PDE8B: variants seen among roughly 807,000 people sequenced by gnomAD.
PDE8B encodes phosphodiesterase 8B, also known as high affinity cAMP-specific and IBMX-insensitive 3',5'-cyclic phosphodiesterase 8B.
PDE8B carries 26 observed loss-of-function variants against 101.3 expected under a neutral mutation model. That is an observed-to-expected ratio of 0.26 (90% CI 0.19 to 0.36). PDE8B has a LOEUF of 0.36. Among genes scored for constraint, PDE8B ranks in the 10% least tolerant of loss-of-function variants. PDE8B has a pLI of 1.00. For missense variants in PDE8B, 810 were observed against 1,163.1 expected (o/e 0.70, Z 4.42); for synonymous variants, 424 against 429.3 (o/e 0.99, Z 0.15).
chr5:77,270,660 A>T (rs2149771636), intron 1 of PDE8B, among the ~76,000 whole-genome samples: 1 of 152,336 alleles, frequency 6.6e-6, no homozygotes, highest in South Asian at 2.1e-4. Flanking sequence ...GCATGTGTGC[A>T]CAGAAGATAG....
intron 1 of PDE8B, among the ~76,000 whole-genome samples, chr5:77,245,833 A>ACCC (rs1561407118): frequency 4.2e-5 from 1 of 23,836 alleles, no homozygotes; most frequent in East Asian, 2.2e-3. Flanking sequence ...CTCTCCTATA[A>ACCC]CCTCCTCCCC....
chr5:77,270,156 G>A lies in PDE8B; in HGVS notation c.340-41838G>A, dbSNP rs137861298. On this transcript the variant is annotated intron_variant, in intron 1 of 21. Coordinates refer to ENST00000264917, the MANE Select transcript of PDE8B (RefSeq NM_003719.5). ...ATCCTCTTCAATTTCTTTCATCAGT[G>A]TTTTACAGTTTTAATTGTAGAGATC... is the stretch of plus-strand genomic sequence containing the variant. Among the ~76,000 whole-genome samples, 996 of 152,116 alleles carry A rather than the reference G, an allele frequency of 6.5e-3. 2 individuals are homozygous for A. The highest frequency in any genetic ancestry group is 0.01 in the Non-Finnish European group (701 of 67,980).
intron 10 of PDE8B, among the ~76,000 whole-genome samples, chr5:77,399,495 A>C (rs1033513511): frequency 6.6e-6 from 1 of 152,232 alleles, no homozygotes; most frequent in Non-Finnish European, 1.5e-5. Flanking sequence ...AGCACTTGAA[A>C]GTAGGTTGAT....
chr5:77,202,915 T>C, the PDE8B span, among the ~76,000 whole-genome samples: 3 of 152,268 alleles, frequency 2.0e-5, no homozygotes, highest in African/African-American at 7.2e-5. Context: ...TTAAAGTTTT[T>C]GAGGAGTCAA....
intron 10 of PDE8B, among the ~76,000 whole-genome samples, chr5:77,373,306 T>TTA (rs139985803): frequency 0.029 from 4,434 of 152,260 alleles, 202 homozygotes; most frequent in African/African-American, 0.1. Context: ...CCTCAGGTCA[T>TTA]TATTATTATT....
At chr5:77,391,254 CAG>C (rs1248030354) in intron 10 of PDE8B, among the ~76,000 whole-genome samples, 7 of 152,308 alleles carry the variant, frequency 4.6e-5, no homozygotes, top group African/African-American at 1.7e-4. Flanking sequence ...CGTGGATAAT[CAG>C]AGTCAGCTTC....
At position 77,327,872 on chromosome 5, in the gene PDE8B, C is replaced by T. The variant is rs191040360; in HGVS notation, c.591-1126C>T. On this transcript the variant is annotated intron_variant, in intron 3 of 21. Coordinates refer to ENST00000264917, the MANE Select transcript of PDE8B (RefSeq NM_003719.5). ...CAGCCGATCATTTCCGGGAGCCTTC[C>T]CCCCACACAGTGTGAGGGCTCAAGG... 2.0e-4 allele frequency among the ~76,000 whole-genome samples: 31 copies of T among 152,218 alleles called. No homozygotes were observed. In the East Asian group the frequency reaches 2.1e-3, roughly 10 times the overall value.
chr5:77,212,059 A>G (rs964817295), intron 1 of PDE8B, among the ~76,000 whole-genome samples: 6 of 152,228 alleles, frequency 3.9e-5, no homozygotes, highest in African/African-American at 9.6e-5. Flanking sequence ...AGCAGTCGCT[A>G]AATATTTATT....
chr5:77,352,465 T>C (rs931528782), intron 9 of PDE8B, among the ~76,000 whole-genome samples: 103 of 152,356 alleles, frequency 6.8e-4, no homozygotes, highest in African/African-American at 2.3e-3. Flanking sequence ...AGAAGTTCTT[T>C]TGTCCAGACA....
chr5:77,382,215 A>G (rs962405250), intron 10 of PDE8B, among the ~76,000 whole-genome samples: 2 of 152,098 alleles, frequency 1.3e-5, no homozygotes, highest in African/African-American at 4.8e-5. Flanking sequence ...TCATATAACC[A>G]TCTGTGTCTC....
intron 5 of PDE8B, among the ~76,000 whole-genome samples, chr5:77,334,912 T>A (rs2150320264): frequency 6.6e-6 from 1 of 152,310 alleles, no homozygotes; most frequent in South Asian, 2.1e-4. Context: ...AAAACTCAGT[T>A]TCCCCCTCCT....
the PDE8B span, chr5:77,141,084 A>G: frequency 6.6e-6 from 1 of 152,164 alleles, no homozygotes; most frequent in Non-Finnish European, 1.5e-5. Context: ...TCTTCTCTAT[A>G]CTTTTGAGAT....
At chr5:77,291,219 G>T (rs1767256240) in intron 1 of PDE8B, 10 of 1,611,346 alleles carry the variant, frequency 6.2e-6, no homozygotes, top group Non-Finnish European at 7.6e-6. Context: ...CCATCATGAG[G>T]TTGTAAACAG....
At chr5:77,116,453 T>C in the PDE8B span, among the ~76,000 whole-genome samples, 1 of 151,986 alleles carries the variant, frequency 6.6e-6, no homozygotes, top group Non-Finnish European at 1.5e-5. Flanking sequence ...TGTCGTCCAG[T>C]CTGGTCTTGA....
At chr5:77,230,744 C>A (rs1753405746) in intron 1 of PDE8B, among the ~76,000 whole-genome samples, 1 of 152,176 alleles carries the variant, frequency 6.6e-6, no homozygotes, top group Non-Finnish European at 1.5e-5. Context: ...CAGACCCGGC[C>A]ATTCTGTGCA....
chr5:77,197,020 T>G, the PDE8B span, among the ~76,000 whole-genome samples: 1 of 140,112 alleles, frequency 7.1e-6, no homozygotes, highest in African/African-American at 2.7e-5. Flanking sequence ...TAGTTTAGGG[T>G]CTTGATAACA....
chr5:77,300,042 G>A (rs980514917), intron 1 of PDE8B, among the ~76,000 whole-genome samples: 4 of 152,214 alleles, frequency 2.6e-5, no homozygotes, highest in African/African-American at 4.8e-5. Flanking sequence ...ATGCTAGACC[G>A]TGGTCAGAGA....
chr5:77,262,659 A>G (rs187830377), intron 1 of PDE8B, among the ~76,000 whole-genome samples: 5 of 152,336 alleles, frequency 3.3e-5, no homozygotes, highest in Admixed American at 3.3e-4. Flanking sequence ...TTCTTGTTGC[A>G]TACCGGAATT....
At chr5:77,326,688 A>G (rs564081826) in intron 3 of PDE8B, among the ~76,000 whole-genome samples, 20 of 152,284 alleles carry the variant, frequency 1.3e-4, no homozygotes, top group African/African-American at 4.6e-4. Flanking sequence ...TACATATAGT[A>G]TATCATAAAA....
Sources: gnomAD v4.1 joint callset for allele counts (sites outside exome capture counted in the v4.1 genomes callset) on GRCh38, gnomAD v4.1.1 for gene constraint, MANE v1.5 for transcripts, NCBI Gene and HGNC (gene_info 2026-07-23, HGNC 2026-07-21) for gene names.